CRPPA: variants seen among roughly 807,000 people sequenced by gnomAD.
CRPPA encodes CDP-L-ribitol pyrophosphorylase A.
CRPPA carries 43 observed loss-of-function variants against 52.0 expected under a neutral mutation model. That is an observed-to-expected ratio of 0.83 (90% CI 0.65 to 1.07). CRPPA has a LOEUF of 1.07. Among genes scored for constraint, CRPPA ranks in the 50% least tolerant of loss-of-function variants. The pLI is 0.00. For missense variants in CRPPA, 629 were observed against 551.7 expected (o/e 1.14, Z -1.40); for synonymous variants, 250 against 203.5 (o/e 1.23, Z -1.94).
intron 9 of CRPPA, among the ~76,000 whole-genome samples, chr7:16,116,548 C>G (rs567748264): frequency 2.5e-4 from 38 of 151,838 alleles, no homozygotes; most frequent in African/African-American, 8.9e-4. Flanking sequence ...GCCTGTAATC[C>G]CAGCTACTTG....
At chr7:16,415,638 A>ACTT (rs1788175037) in intron 1 of CRPPA, among the ~76,000 whole-genome samples, 1 of 152,110 alleles carries the variant, frequency 6.6e-6, no homozygotes, top group Admixed American at 6.5e-5. Flanking sequence ...TTCTACCTGA[A>ACTT]CTGAAGTTCT....
At chr7:16,142,867 A>G (rs140162251) in intron 9 of CRPPA, among the ~76,000 whole-genome samples, 194 of 152,302 alleles carry the variant, frequency 1.3e-3, no homozygotes, top group African/African-American at 4.3e-3. Flanking sequence ...TACTTTCTTC[A>G]TGTCCAAATA....
At chr7:16,159,451 T>G (rs1783256711) in intron 9 of CRPPA, among the ~76,000 whole-genome samples, 1 of 152,184 alleles carries the variant, frequency 6.6e-6, no homozygotes, top group Non-Finnish European at 1.5e-5. Context: ...GTGTTTGGTT[T>G]TCTGTTCCTG....
At chr7:16,379,764 G>A (rs1268870771) in intron 2 of CRPPA, among the ~76,000 whole-genome samples, 1 of 152,154 alleles carries the variant, frequency 6.6e-6, no homozygotes, top group African/African-American at 2.4e-5. Context: ...GTGAATGGGA[G>A]TTCACTCATG....
At chr7:16,278,996 C>T (rs1784265247) in intron 5 of CRPPA, among the ~76,000 whole-genome samples, 1 of 152,172 alleles carries the variant, frequency 6.6e-6, no homozygotes, top group Non-Finnish European at 1.5e-5. Context: ...TCTTAATCCA[C>T]ATCTTTCTGT....
intron 2 of CRPPA, among the ~76,000 whole-genome samples, chr7:16,399,137 T>A (rs188666508): frequency 6.6e-6 from 1 of 152,288 alleles, no homozygotes; most frequent in African/African-American, 2.4e-5. Context: ...ATTTCACCAA[T>A]GTGTGACCAA....
At chr7:16,112,801 T>A (rs1348412947) in intron 9 of CRPPA, among the ~76,000 whole-genome samples, 1 of 152,136 alleles carries the variant, frequency 6.6e-6, no homozygotes, top group Non-Finnish European at 1.5e-5. Flanking sequence ...ACTCCTTTAT[T>A]CATTCAATGA....
chr7:16,190,804 A>T (rs1414418147), intron 9 of CRPPA, among the ~76,000 whole-genome samples: 3 of 152,070 alleles, frequency 2.0e-5, no homozygotes, highest in Admixed American at 2.0e-4. Context: ...AATCCATTGT[A>T]TGATTCTTAT....
intron 8 of CRPPA, among the ~76,000 whole-genome samples, chr7:16,251,863 G>A (rs563292125): frequency 2.6e-5 from 4 of 152,174 alleles, no homozygotes; most frequent in East Asian, 3.9e-4. Flanking sequence ...CAGAAGACAA[G>A]AAATAATTAA....
chr7:16,353,527 T>C (rs4721493), intron 3 of CRPPA, among the ~76,000 whole-genome samples: 76,140 of 152,010 alleles, frequency 0.5, 19,546 homozygotes, highest in South Asian at 0.67. Flanking sequence ...TAATAATACA[T>C]TGAATATTAA....
chr7:16,105,743 G>A (rs1782138579), intron 9 of CRPPA, among the ~76,000 whole-genome samples: 1 of 151,982 alleles, frequency 6.6e-6, no homozygotes, highest in African/African-American at 2.4e-5. Flanking sequence ...AAGTCATCCT[G>A]CCCAACCTCA....
chr7:16,119,092 G>C (rs1178871113), intron 9 of CRPPA, among the ~76,000 whole-genome samples: 1 of 152,050 alleles, frequency 6.6e-6, no homozygotes, highest in Non-Finnish European at 1.5e-5. Flanking sequence ...GCTCATTCCT[G>C]TCCCCAACTT....
chr7:16,353,786 G>T (rs1388690119), intron 3 of CRPPA, among the ~76,000 whole-genome samples: 2 of 152,090 alleles, frequency 1.3e-5, no homozygotes, highest in East Asian at 3.9e-4. Context: ...GGAGGCACAG[G>T]TTGCAGTGAG....
chr7:16,359,935 C>T (rs892305869), intron 3 of CRPPA, among the ~76,000 whole-genome samples: 17 of 152,150 alleles, frequency 1.1e-4, no homozygotes, highest in Non-Finnish European at 5.9e-5. Context: ...CAGGACAAGC[C>T]ACAGGAAGGA....
At chr7:16,316,515 T>C (rs989274379) in intron 3 of CRPPA, among the ~76,000 whole-genome samples, 4 of 152,140 alleles carry the variant, frequency 2.6e-5, no homozygotes, top group African/African-American at 9.7e-5. Flanking sequence ...CCTGAACATA[T>C]AGATTTAATC....
intron 2 of CRPPA, among the ~76,000 whole-genome samples, chr7:16,388,577 A>G (rs910752215): frequency 3.9e-4 from 59 of 152,328 alleles, no homozygotes; most frequent in African/African-American, 1.4e-3. Flanking sequence ...TGGTTCTCTT[A>G]TAAAATAACA....
chr7:16,286,676 G>T (rs12699776), intron 5 of CRPPA, among the ~76,000 whole-genome samples: 1 of 151,958 alleles, frequency 6.6e-6, no homozygotes, highest in African/African-American at 2.4e-5. Context: ...GTGTATGTGA[G>T]TTGGCTAGGA....
In CRPPA at chr7:16,171,973, A is replaced by G. The variant is rs139740970; in HGVS notation, c.1251+44093T>C. On this transcript the variant is annotated intron_variant, in intron 9 of 9. Transcript: ENST00000407010. ...TTTAGACATGTAATAAAGGCAAGCT[A>G]TCCTACAAGTAGCTATATTTTTCCT... 1.8e-4 allele frequency among the ~76,000 whole-genome samples: 28 copies of G among 152,298 alleles called. No individual in the cohort carries two copies. The East Asian group carries it at 4.8e-3, about 26-fold the overall frequency.
At chr7:16,111,760 T>C (rs1200496133) in intron 9 of CRPPA, among the ~76,000 whole-genome samples, 1 of 152,120 alleles carries the variant, frequency 6.6e-6, no homozygotes, top group African/African-American at 2.4e-5. Flanking sequence ...AAGATGGGGT[T>C]AGGGGAATGG....
Sources: gnomAD v4.1 joint callset for allele counts (sites outside exome capture counted in the v4.1 genomes callset) on GRCh38, gnomAD v4.1.1 for gene constraint, MANE v1.5 for transcripts, NCBI Gene and HGNC (gene_info 2026-07-23, HGNC 2026-07-21) for gene names.